The following MUCL1 variants were observed in gnomAD, a reference collection of about 807,000 sequenced individuals.
MUCL1 encodes mucin-like protein 1.
Under a neutral mutation model 9.2 loss-of-function variants are expected in MUCL1, and 11 were observed. The observed-to-expected ratio is 1.19, with a 90% confidence interval of 0.75 to 1.97. The LOEUF (loss-of-function observed/expected upper bound fraction) is 1.97, where lower values mean the gene tolerates loss of function less well. Among genes scored for constraint, MUCL1 ranks in the 30% most tolerant of loss-of-function variants. The probability of loss-of-function intolerance (pLI) is 0.00; values close to 1 mark genes in which losing one functional copy is unlikely to be tolerated. For missense variants in MUCL1, 144 were observed against 110.9 expected, an observed-to-expected ratio of 1.30 and a Z score of -1.34; for synonymous variants, 48 against 40.5, an observed-to-expected ratio of 1.19 and a Z score of -0.71.
chr12:54,840,446 A>T lies in MUCL1; in HGVS notation c.43+999A>T, dbSNP rs187880794. Among the ~76,000 whole-genome samples, 5 of 152,338 alleles carry T rather than the reference A, an allele frequency of 3.3e-5. No individual in the cohort carries two copies. The East Asian group carries it at 7.7e-4, about 23-fold the overall frequency. Reference sequence around the variant, plus strand: ...TGCAGATGCTGTAATGGACTGTGTCAGTTGGCCTCTAGCCAGGAGGTGGCA... The same window carrying T: ...TGCAGATGCTGTAATGGACTGTGTCTGTTGGCCTCTAGCCAGGAGGTGGCA... On this transcript the variant is annotated intron_variant, in intron 1 of 3. Coordinates refer to the MUCL1 transcript ENST00000546809.
upstream of MUCL1, among the ~76,000 whole-genome samples, chr12:54,851,195 T>G (rs1328184795): frequency 6.6e-6 from 1 of 152,194 alleles, no homozygotes; most frequent in Non-Finnish European, 1.5e-5. Context: ...TTGGTTTTGT[T>G]GCCATTGCTT....
chr12:54,854,074 T>TA (rs1354431545), upstream of MUCL1, among the ~76,000 whole-genome samples: 1 of 152,094 alleles, frequency 6.6e-6, no homozygotes, highest in African/African-American at 2.4e-5. Context: ...CAGCCTGAGT[T>TA]ACACCGGATG....
upstream of MUCL1, among the ~76,000 whole-genome samples, chr12:54,838,776 C>T (rs375949881): frequency 9.3e-4 from 141 of 152,106 alleles, 3 homozygotes; most frequent in East Asian, 2.3e-3. Context: ...AGTTCTGATT[C>T]GTTTTTCTTT....
upstream of MUCL1, among the ~76,000 whole-genome samples, chr12:54,851,725 G>T (rs894201838): frequency 6.6e-5 from 10 of 152,156 alleles, no homozygotes; most frequent in African/African-American, 1.2e-4. Flanking sequence ...AATTGTCCTT[G>T]TTTGCAGATG....
chr12:54,853,340 T>C (rs1463913711), upstream of MUCL1, among the ~76,000 whole-genome samples: 1 of 152,170 alleles, frequency 6.6e-6, no homozygotes, highest in Non-Finnish European at 1.5e-5. Context: ...GTGGATTGTT[T>C]TCCTCCCTTG....
Position 54,858,215 on chromosome 12 carries a change from T to C in MUCL1, c.246T>C (p.Asp82=). The part of the protein sequence containing the change: ...DIPVLPKWVG[D]LPNGRVCP ...CAGTTTTACCCAAATGGGTTGGGGA[T>C]CTCCCGAATGGTAGAGTGTGTCCCT... is the stretch of plus-strand genomic sequence containing the variant. The change falls in exon 4 of 4, where the codon GAT becomes GAC. Residue 82 remains aspartate, a synonymous_variant. Transcript: ENST00000308796. 5 of 1,613,548 alleles carry C rather than the reference T, an allele frequency of 3.1e-6. No individual in the cohort carries two copies. The highest frequency in any genetic ancestry group is 3.4e-6 in the Non-Finnish European group (4 of 1,179,636).
intron 3 of MUCL1, 100 bp from the exon 4 acceptor site, chr12:54,858,093 T>C (rs1868314093): frequency 2.2e-6 from 3 of 1,392,076 alleles, no homozygotes; most frequent in African/African-American, 2.8e-5. Context: ...CTGAGTTTAG[T>C]TGACATTTGA....
chr12:54,839,414 G>A (rs1400833293), exon 1 of MUCL1: 1 of 702,068 alleles, frequency 1.4e-6, no homozygotes, highest in South Asian at 1.5e-5. Context: ...TATGGGAGGT[G>A]ACCATGGGTA....
chr12:54,839,150 A>T (rs985002969), upstream of MUCL1, among the ~76,000 whole-genome samples: 1 of 151,342 alleles, frequency 6.6e-6, no homozygotes, highest in Non-Finnish European at 1.5e-5. Flanking sequence ...AGTTTATTAG[A>T]ACTTAATTTG....
At chr12:54,834,150 G>A (rs534274915) in intron 1 of MUCL1, among the ~76,000 whole-genome samples, 87 of 152,058 alleles carry the variant, frequency 5.7e-4, no homozygotes, top group African/African-American at 1.9e-3. Flanking sequence ...ACATATTTGC[G>A]TGAACTTCAT....
At chr12:54,840,626 G>A (rs777693146) in intron 1 of MUCL1, among the ~76,000 whole-genome samples, 2 of 152,138 alleles carry the variant, frequency 1.3e-5, no homozygotes, top group Admixed American at 6.5e-5. Flanking sequence ...CAGGTGGAGG[G>A]GAAAAGCCAG....
upstream of MUCL1, among the ~76,000 whole-genome samples, chr12:54,835,254 T>C (rs142900541): frequency 2.9e-3 from 437 of 152,302 alleles, 3 homozygotes; most frequent in Admixed American, 5.0e-3. Flanking sequence ...TGACTTATTT[T>C]CCTTTAGGTA....
chr12:54,846,151 A>T (rs892075127), intron 1 of MUCL1, among the ~76,000 whole-genome samples: 2 of 152,176 alleles, frequency 1.3e-5, no homozygotes, highest in South Asian at 4.1e-4. Context: ...CTGGCCCTCT[A>T]TGCTTGCCAT....
At chr12:54,849,547 C>T (rs749422871), upstream of MUCL1, among the ~76,000 whole-genome samples, 1 of 151,980 alleles carries the variant, frequency 6.6e-6, no homozygotes, top group African/African-American at 2.4e-5. Flanking sequence ...CTTAAAATTA[C>T]ATATCCACTA....
upstream of MUCL1, among the ~76,000 whole-genome samples, chr12:54,852,326 A>T (rs1414255025): frequency 6.6e-6 from 1 of 152,234 alleles, no homozygotes; most frequent in Non-Finnish European, 1.5e-5. Context: ...CCAATGGAAC[A>T]GAACAGAGCC....
At chr12:54,856,422 C>T (rs1037946802) in intron 2 of MUCL1, among the ~76,000 whole-genome samples, 2 of 152,184 alleles carry the variant, frequency 1.3e-5, no homozygotes, top group African/African-American at 4.8e-5. Context: ...TTCAGAATGT[C>T]AGGCTACTAG....
upstream of MUCL1, among the ~76,000 whole-genome samples, chr12:54,853,142 T>C (rs1481422259): frequency 2.6e-5 from 4 of 152,160 alleles, no homozygotes; most frequent in Admixed American, 2.6e-4. Flanking sequence ...TCAGTGCTCT[T>C]CCAGATTACA....
intron 3 of MUCL1, among the ~76,000 whole-genome samples, chr12:54,857,534 T>C (rs1868309933): frequency 6.6e-6 from 1 of 152,076 alleles, no homozygotes; most frequent in African/African-American, 2.4e-5. Context: ...TCGGAACATA[T>C]GCCAGGAACT....
intron 3 of MUCL1, among the ~76,000 whole-genome samples, chr12:54,857,268 G>GTT (rs58469670): frequency 6.7e-6 from 1 of 148,628 alleles, no homozygotes; most frequent in Non-Finnish European, 1.5e-5. Flanking sequence ...GTGTGTGTGT[G>GTT]TTTAAATCAG....
Sources: gnomAD v4.1 joint callset for allele counts (sites outside exome capture counted in the v4.1 genomes callset) on GRCh38, gnomAD v4.1.1 for gene constraint, MANE v1.5 for transcripts, NCBI Gene and HGNC (gene_info 2026-07-23, HGNC 2026-07-21) for gene names.